The following FBXL7 variants were observed in gnomAD, a reference collection of about 807,000 sequenced individuals.
FBXL7 encodes the protein F-box and leucine rich repeat protein 7.
Under a neutral mutation model 38.3 loss-of-function variants are expected in FBXL7, and 12 were observed. That is an observed-to-expected ratio of 0.31 (90% CI 0.20 to 0.51). FBXL7 has a LOEUF of 0.51. Among genes scored for constraint, FBXL7 ranks in the 20% least tolerant of loss-of-function variants. The pLI, the probability that FBXL7 is intolerant of heterozygous loss-of-function variation, is 0.98. For missense variants in FBXL7, 567 were observed against 676.4 expected (o/e 0.84, Z 1.79); for synonymous variants, 297 against 300.9 (o/e 0.99, Z 0.13).
At chr5:15,509,831 T>A (rs959280124) in intron 1 of FBXL7, among the ~76,000 whole-genome samples, 1 of 152,232 alleles carries the variant, frequency 6.6e-6, no homozygotes, top group African/African-American at 2.4e-5. Flanking sequence ...CCTGCCTGGG[T>A]GCTTCCCCAG....
chr5:15,531,887 T>C (rs967946962), intron 1 of FBXL7, among the ~76,000 whole-genome samples: 18 of 152,194 alleles, frequency 1.2e-4, no homozygotes, highest in African/African-American at 4.3e-4. Context: ...TCCTCTGCAG[T>C]GTGGGTTTAT....
In FBXL7 at chr5:15,928,712, C is replaced by CTT. The variant is rs1012205227; in HGVS notation, c.739+220_739+221dup. Among the ~76,000 whole-genome samples the CTT allele has an allele frequency of 6.7e-6, 1 of 149,698 alleles. No homozygotes were observed. Among genetic ancestry groups the CTT allele is most frequent in the Non-Finnish European group, 1.5e-5 (1 of 67,266 alleles). On this transcript the variant is annotated intron_variant, in intron 3 of 3. Coordinates refer to ENST00000504595, the MANE Select transcript of FBXL7 (RefSeq NM_012304.5). This position sits in a 1 kb window ranked among gnomAD's most constrained non-coding sequence, Gnocchi z 4.0. ...CCCTTTCATCAAATAATGTCCACTT[C>CTT]TTTTTTTTTTATTATTATACTTTAA... is the stretch of plus-strand genomic sequence containing the variant.
At chr5:15,540,131 A>G (rs1333369397) in intron 1 of FBXL7, among the ~76,000 whole-genome samples, 1 of 152,188 alleles carries the variant, frequency 6.6e-6, no homozygotes, top group African/African-American at 2.4e-5. Flanking sequence ...GCAAAAGCTC[A>G]TGAGTCAGGG....
chr5:15,859,136 G>A (rs914119551), intron 2 of FBXL7, among the ~76,000 whole-genome samples: 7 of 152,174 alleles, frequency 4.6e-5, no homozygotes, highest in Non-Finnish European at 7.3e-5. Flanking sequence ...AGTGATTCAA[G>A]GAGGTGATGG....
At chr5:15,700,026 T>C (rs1743472724) in intron 2 of FBXL7, among the ~76,000 whole-genome samples, 1 of 152,230 alleles carries the variant, frequency 6.6e-6, no homozygotes. Flanking sequence ...TCATAGCCCA[T>C]GCTTTTAAGG....
rs562464099 is a variant in FBXL7 at position 15,901,245 on chromosome 5, T to C, written c.128-26645T>C. Among the ~76,000 whole-genome samples the C allele has an allele frequency of 3.9e-5, 6 of 152,330 alleles. No individual in the cohort carries two copies. The South Asian group carries it at 1.2e-3, about 32-fold the overall frequency. On this transcript the variant is annotated intron_variant, in intron 2 of 3. Coordinates refer to ENST00000504595, the MANE Select transcript of FBXL7 (RefSeq NM_012304.5). ...GCTGAGGGGTCCAAAATCAAGCCTC[T>C]GCAGATTGGTGCCTGGTGGGGGCCT...
At chr5:15,759,862 A>C (rs1412075769) in intron 2 of FBXL7, among the ~76,000 whole-genome samples, 1 of 152,172 alleles carries the variant, frequency 6.6e-6, no homozygotes, top group Non-Finnish European at 1.5e-5. Context: ...CTAGTTAGAA[A>C]GGAGGCAGAT....
intron 1 of FBXL7, among the ~76,000 whole-genome samples, chr5:15,594,387 G>C (rs898683964): frequency 1.3e-5 from 2 of 152,236 alleles, no homozygotes; most frequent in Non-Finnish European, 2.9e-5. Flanking sequence ...GTCCACGCTA[G>C]AAAACTACTC....
At chr5:15,646,938 G>T (rs1741549303) in intron 2 of FBXL7, among the ~76,000 whole-genome samples, 1 of 152,188 alleles carries the variant, frequency 6.6e-6, no homozygotes, top group Non-Finnish European at 1.5e-5. Flanking sequence ...GAGATAATGT[G>T]TCCTCACTAT....
At chr5:15,561,434 T>A (rs910881232) in intron 1 of FBXL7, among the ~76,000 whole-genome samples, 1 of 152,184 alleles carries the variant, frequency 6.6e-6, no homozygotes, top group Non-Finnish European at 1.5e-5. Context: ...GTTGTATAAA[T>A]GCATACCACA....
rs150081383 is a variant in FBXL7 at position 15,710,824 on chromosome 5, A to G, written c.127+94752A>G. Among the ~76,000 whole-genome samples, 27 of 152,320 alleles carry G rather than the reference A, an allele frequency of 1.8e-4. No individual in the cohort carries two copies. In the East Asian group the frequency reaches 5.0e-3, roughly 28 times the overall value. ...CTCTGGAGGCTTGAAGTCCAAAATC[A>G]AGATATCTGTTGAGCTTCTCTCTCT... On this transcript the variant is annotated intron_variant, in intron 2 of 3. Coordinates refer to ENST00000504595, the MANE Select transcript of FBXL7 (RefSeq NM_012304.5).
At chr5:15,756,959 A>G (rs923999980) in intron 2 of FBXL7, among the ~76,000 whole-genome samples, 4 of 152,242 alleles carry the variant, frequency 2.6e-5, no homozygotes, top group Non-Finnish European at 5.9e-5. Flanking sequence ...ATCAGGGCCA[A>G]TAGTTTGAAC....
At chr5:15,702,314 T>C (rs10434654) in intron 2 of FBXL7, among the ~76,000 whole-genome samples, 8,503 of 151,692 alleles carry the variant, frequency 0.056, 267 homozygotes, top group East Asian at 0.09. Context: ...ATACAGGAAG[T>C]ATTGCTTGAA....
chr5:15,778,903 A>G (rs1736924865), intron 2 of FBXL7, among the ~76,000 whole-genome samples: 1 of 152,186 alleles, frequency 6.6e-6, no homozygotes, highest in African/African-American at 2.4e-5. Context: ...ATAGCAGAGC[A>G]CCTTCTCTCA....
In FBXL7 at chr5:15,665,020, T is replaced by A. The variant is rs190706380; in HGVS notation, c.127+48948T>A. Among the ~76,000 whole-genome samples the A allele has an allele frequency of 5.3e-5, 8 of 152,300 alleles. No homozygotes were observed. In the East Asian group the frequency reaches 1.5e-3, roughly 29 times the overall value. ...ATTGTCTTCAGGCTTACATTGTATC[T>A]TACAAAGAAGTTTGCTGTCATTCCT... On this transcript the variant is annotated intron_variant, in intron 2 of 3. Transcript: ENST00000504595.
chr5:15,512,402 C>T (rs894299889), intron 1 of FBXL7, among the ~76,000 whole-genome samples: 1 of 152,120 alleles, frequency 6.6e-6, no homozygotes, highest in Non-Finnish European at 1.5e-5. Flanking sequence ...GATTGTAACC[C>T]TCCTCACACT....
At chr5:15,517,649 G>C (rs1736980033) in intron 1 of FBXL7, among the ~76,000 whole-genome samples, 2 of 152,202 alleles carry the variant, frequency 1.3e-5, no homozygotes, top group Admixed American at 6.5e-5. Flanking sequence ...AGGAGAGTCT[G>C]TGGCAAATGT....
chr5:15,573,999 A>T (rs1175559033), intron 1 of FBXL7, among the ~76,000 whole-genome samples: 1 of 152,224 alleles, frequency 6.6e-6, no homozygotes, highest in African/African-American at 2.4e-5. Context: ...GAGCCAGAAC[A>T]AAACCCCTAA....
intron 1 of FBXL7, among the ~76,000 whole-genome samples, chr5:15,566,007 A>AC (rs1482958693): frequency 5.3e-5 from 8 of 152,136 alleles, no homozygotes; most frequent in African/African-American, 1.4e-4. Context: ...ACATAAAATG[A>AC]ATCATCACAC....
Sources: gnomAD v4.1 joint callset for allele counts (sites outside exome capture counted in the v4.1 genomes callset) on GRCh38, gnomAD v4.1.1 for gene constraint, Gnocchi (gnomAD v3.1) non-coding constraint, MANE v1.5 for transcripts, NCBI Gene and HGNC (gene_info 2026-07-23, HGNC 2026-07-21) for gene names.